Variants in TUBD1 observed in about 807,000 individuals in gnomAD.
The protein encoded by TUBD1 is tubulin delta 1, also known as tubulin delta chain.
A neutral mutation model predicts 51.2 loss-of-function variants in TUBD1; 38 were observed. The ratio of observed to expected loss-of-function variants is 0.74; its 90% CI spans 0.57 to 0.97. TUBD1 has a LOEUF of 0.97. TUBD1 is among the 50% of genes least tolerant of loss of function. TUBD1 has a pLI of 0.00. For synonymous variants in TUBD1, 169 were observed against 178.2 expected (o/e 0.95, Z 0.41); for missense variants, 489 against 538.4 (o/e 0.91, Z 0.91).
In TUBD1 at chr17:59,881,108, TA is replaced by T; in HGVS notation, c.322del (p.Tyr108ThrfsTer12). 2 of 1,611,328 alleles carry T rather than the reference TA, an allele frequency of 1.2e-6. No individual in the cohort carries two copies. Among genetic ancestry groups the T allele is most frequent in the Non-Finnish European group, 1.7e-6 (2 of 1,177,742 alleles). On this transcript the variant is annotated frameshift_variant and splice_region_variant, in exon 4 of 9. Coordinates refer to ENST00000325752, the MANE Select transcript of TUBD1 (RefSeq NM_016261.4). LOFTEE classifies it high-confidence loss of function. ...QGSGNNWAYG[Y>X]SVHGPRHEES... Reference sequence around the variant, plus strand: ...TTCATGCCTGGGTCCATGAACAGAGTAACTATGCAATGGCAAAAGAAACAAA... The same window carrying T: ...TTCATGCCTGGGTCCATGAACAGAGTACTATGCAATGGCAAAAGAAACAAA...
chr17:59,866,110 C>CAAAAAAA (rs1191579900), intron 7 of TUBD1, among the ~76,000 whole-genome samples: 1 of 76,218 alleles, frequency 1.3e-5, no homozygotes, highest in Non-Finnish European at 2.9e-5. Context: ...GACCCCGTCT[C>CAAAAAAA]AAAAAAAAAA....
intron 6 of TUBD1, among the ~76,000 whole-genome samples, chr17:59,872,181 C>T (rs1474871004): frequency 2.0e-5 from 3 of 152,110 alleles, no homozygotes; most frequent in Non-Finnish European, 4.4e-5. Context: ...AGGATGGTCT[C>T]GATCTTCTGA....
intron 6 of TUBD1, among the ~76,000 whole-genome samples, chr17:59,867,289 T>C (rs1197419501): frequency 6.6e-6 from 1 of 152,072 alleles, no homozygotes; most frequent in Admixed American, 6.6e-5. Context: ...TCCCGCCTTA[T>C]CCTCTGATGT....
In TUBD1 at chr17:59,878,348, G is replaced by C; in HGVS notation, c.538-14C>G. The C allele has an allele frequency of 6.3e-7, 1 of 1,582,766 alleles. No homozygotes were observed. Among genetic ancestry groups the C allele is most frequent in the Non-Finnish European group, 8.7e-7 (1 of 1,153,376 alleles). ...TTGAACAATAACCTGGAGAGGAAAAGGTCAGAAAAAAGAAAGGTAGGAGAG... is the reference window on the plus strand; with the variant it reads ...TTGAACAATAACCTGGAGAGGAAAACGTCAGAAAAAAGAAAGGTAGGAGAG... On this transcript the variant is annotated splice_polypyrimidine_tract_variant and intron_variant, in intron 4 of 8. Transcript: ENST00000325752.
intron 1 of TUBD1, among the ~76,000 whole-genome samples, chr17:59,891,607 G>A (rs975944877): frequency 2.6e-5 from 4 of 152,036 alleles, no homozygotes; most frequent in African/African-American, 9.7e-5. Flanking sequence ...TCCAAAATCT[G>A]ATTTGTAATC....
At chr17:59,885,182 CAT>C (rs140499855) in intron 3 of TUBD1, 11,113 of 410,584 alleles carry the variant, frequency 0.027, 241 homozygotes, top group Non-Finnish European at 0.035. Context: ...AGAAGTATAA[CAT>C]GTGTGTGGGA....
At chr17:59,884,506 C>T (rs537590216) in intron 3 of TUBD1, among the ~76,000 whole-genome samples, 72 of 151,902 alleles carry the variant, frequency 4.7e-4, no homozygotes, top group African/African-American at 1.6e-3. Context: ...TCCAGCTACT[C>T]GGGAAGCTGA....
At chr17:59,887,598 T>C (rs779685319) in intron 2 of TUBD1, among the ~76,000 whole-genome samples, 8 of 152,084 alleles carry the variant, frequency 5.3e-5, no homozygotes, top group Admixed American at 1.3e-4. Context: ...GAAATCTTTA[T>C]AGGCAATGCT....
At chr17:59,869,211 T>C (rs983204159) in intron 6 of TUBD1, among the ~76,000 whole-genome samples, 6 of 151,756 alleles carry the variant, frequency 4.0e-5, no homozygotes, top group Non-Finnish European at 8.8e-5. Context: ...CATGGTGGCT[T>C]CTGCCTATAA....
chr17:59,890,645 T>A (rs576038931), intron 2 of TUBD1, among the ~76,000 whole-genome samples, 186 bp downstream of exon 2: 16 of 152,142 alleles, frequency 1.1e-4, no homozygotes, highest in Non-Finnish European at 2.1e-4. Context: ...ATTGGTGAGA[T>A]CTGAGCATGC....
chr17:59,873,079 C>T (rs577505484), intron 6 of TUBD1, among the ~76,000 whole-genome samples: 1 of 151,704 alleles, frequency 6.6e-6, no homozygotes, highest in African/African-American at 2.4e-5. Flanking sequence ...TCAATTTTCA[C>T]ACTAGGAATG....
chr17:59,868,769 G>A (rs1416358751), intron 6 of TUBD1, among the ~76,000 whole-genome samples: 1 of 151,826 alleles, frequency 6.6e-6, no homozygotes, highest in African/African-American at 2.4e-5. Context: ...CCCGGGAGGC[G>A]GAGGTTGCAG....
chr17:59,873,699 C>T (rs2040099650), intron 6 of TUBD1, among the ~76,000 whole-genome samples: 3 of 151,642 alleles, frequency 2.0e-5, no homozygotes, highest in African/African-American at 7.3e-5. Context: ...CTCATCTCTA[C>T]TAAAAATACA....
chr17:59,880,420 T>C (rs1310203103), intron 4 of TUBD1, among the ~76,000 whole-genome samples: 1 of 152,070 alleles, frequency 6.6e-6, no homozygotes, highest in African/African-American at 2.4e-5. Flanking sequence ...AAGATATATA[T>C]ATACCATATA....
At chr17:59,875,468 G>A (rs567375296) in intron 5 of TUBD1, among the ~76,000 whole-genome samples, 3 of 151,962 alleles carry the variant, frequency 2.0e-5, no homozygotes, top group East Asian at 1.9e-4. Context: ...GTTAATATAA[G>A]CCAGGCACGG....
chr17:59,877,751 C>G (rs1459071000), intron 5 of TUBD1, among the ~76,000 whole-genome samples: 1 of 149,502 alleles, frequency 6.7e-6, no homozygotes, highest in African/African-American at 2.5e-5. Flanking sequence ...GCACTCCAGC[C>G]TGGGCAACAG....
chr17:59,880,578 G>T (rs1010309340), intron 4 of TUBD1, among the ~76,000 whole-genome samples: 1 of 151,900 alleles, frequency 6.6e-6, no homozygotes, highest in African/African-American at 2.4e-5. Context: ...ACGGTAGCGC[G>T]ATCTTGGCTC....
At chr17:59,860,457 A>G in intron 8 of TUBD1, 33 bp from the exon 9 acceptor site, 2 of 1,391,130 alleles carry the variant, frequency 1.4e-6, no homozygotes, top group Non-Finnish European at 2.0e-6. Flanking sequence ...AGAAATTACA[A>G]AATAAAAAAT....
At chr17:59,879,703 T>C (rs544894500) in intron 4 of TUBD1, among the ~76,000 whole-genome samples, 9 of 152,124 alleles carry the variant, frequency 5.9e-5, no homozygotes, top group South Asian at 4.1e-4. Context: ...CCCAAAGTGC[T>C]GGTATTACAG....
Sources: allele counts gnomAD v4.1 joint callset (sites outside exome capture counted in the v4.1 genomes callset), GRCh38; gene constraint gnomAD v4.1.1; transcripts MANE v1.5; gene names NCBI Gene and HGNC (gene_info 2026-07-23, HGNC 2026-07-21).